Variants in POU2F3 observed in about 807,000 individuals in gnomAD.
POU2F3 encodes POU domain, class 2, transcription factor 3.
In POU2F3, 23 loss-of-function variants were observed where a neutral mutation model predicts 59.2. The observed-to-expected ratio is 0.39, with a 90% CI of 0.28 to 0.55. POU2F3 has a LOEUF of 0.55. Ranked by LOEUF, POU2F3 falls within the 20% of genes least tolerant of loss-of-function variation. The pLI is 0.66. For missense variants in POU2F3, 473 were observed against 544.5 expected (o/e 0.87, Z 1.31); for synonymous variants, 190 against 214.6 (o/e 0.89, Z 1.00).
chr11:120,288,811 G>A (rs1181487192), intron 3 of POU2F3, among the ~76,000 whole-genome samples: 18 of 149,592 alleles, frequency 1.2e-4, no homozygotes, highest in Admixed American at 1.1e-3. Flanking sequence ...TATTACATAC[G>A]CACATGTATG....
intron 3 of POU2F3, among the ~76,000 whole-genome samples, chr11:120,280,616 GAGAGAGAGAGAGAAAA>G (rs1440256224): frequency 6.9e-6 from 1 of 145,476 alleles, no homozygotes; most frequent in Non-Finnish European, 1.5e-5. Context: ...AGGACAGACA[GAGAGAGAGAGAGAAAA>G]AGAGAGAGAG....
At chr11:120,274,162 C>T (rs1483820233) in intron 3 of POU2F3, among the ~76,000 whole-genome samples, 2 of 114,618 alleles carry the variant, frequency 1.7e-5, no homozygotes, top group Non-Finnish European at 4.1e-5. Flanking sequence ...GAAGGAAATG[C>T]ACACAAACAT....
chr11:120,240,229 C>CGCG lies in POU2F3; in HGVS notation c.-103_-101dup, dbSNP rs533884871. 808 of 1,247,412 alleles carry CGCG rather than the reference C, an allele frequency of 6.5e-4. 3 individuals are homozygous for CGCG. The African/African-American group carries it at 0.011, about 17-fold the overall frequency. 77.3% of individuals were successfully genotyped at this position (1,247,412 alleles called of 1,614,324 possible). ...CGGCGACGGCTCCGGCAGCGGCTCC[C>CGCG]GCGGCGGCGGCGGCCGGGAACTGGA... On this transcript the variant is annotated 5_prime_UTR_variant, in exon 1 of 13. Transcript: ENST00000543440.
At position 120,312,170 on chromosome 11, in the gene POU2F3, C is replaced by A. The variant is rs1353093201; in HGVS notation, c.1068+2584C>A. Among the ~76,000 whole-genome samples the A allele has an allele frequency of 3.3e-5, 5 of 151,192 alleles. No individual in the cohort carries two copies. The South Asian group carries it at 1.0e-3, about 31-fold the overall frequency. On this transcript the variant is annotated intron_variant, in intron 10 of 12. Transcript: ENST00000543440. The stretch of plus-strand genomic sequence containing the variant: ...CAGAGTTTTGCTCTTTTTGCCCAGG[C>A]TGGAGTGCAATGGTGCGATCTAGGC...
intron 2 of POU2F3, 116 bp downstream of exon 2, chr11:120,246,633 T>G (rs1203119802): frequency 1.9e-6 from 2 of 1,053,262 alleles, no homozygotes; most frequent in Admixed American, 4.0e-5. Flanking sequence ...ACCCCAAAGC[T>G]AGGTCTTAGG....
intron 2 of POU2F3, among the ~76,000 whole-genome samples, chr11:120,267,133 C>CA (rs1555072328): frequency 1.4e-5 from 2 of 142,644 alleles, no homozygotes; most frequent in Non-Finnish European, 3.1e-5. Flanking sequence ...TAGCAGATCT[C>CA]TTTTTTTTTT....
At chr11:120,282,499 CAT>C (rs750277004) in intron 3 of POU2F3, among the ~76,000 whole-genome samples, 35 of 152,126 alleles carry the variant, frequency 2.3e-4, no homozygotes, top group Non-Finnish European at 4.3e-4. Flanking sequence ...CTACTAAAAA[CAT>C]AAAAACTAGC....
rs759796358 is a variant in POU2F3 at position 120,318,334 on chromosome 11, A to G, written c.1272-19A>G. 6.3e-7 allele frequency: 1 copy of G among 1,594,526 alleles called. No individual in the cohort carries two copies. The highest frequency in any genetic ancestry group is 1.1e-5 in the South Asian group (1 of 90,640). On this transcript the variant is annotated intron_variant, in intron 12 of 12. Transcript: ENST00000543440. The stretch of plus-strand genomic sequence containing the variant: ...CATCACATTATTAGCTTTAGGATTG[A>G]CTTCTTTCTTCCTTCCAGATCTTGG...
intron 3 of POU2F3, among the ~76,000 whole-genome samples, chr11:120,287,934 T>C (rs1486757318): frequency 6.6e-6 from 1 of 151,530 alleles, no homozygotes; most frequent in African/African-American, 2.4e-5. Context: ...TCTACTGAGC[T>C]TAATGATGTG....
In POU2F3 at chr11:120,318,614, T is replaced by G; in HGVS notation, c.*222T>G. ...TAATGCTCTTGAAATACACAGCCCCTCCTAGGAGCTTACCATTTTCACCTT... is the reference window on the plus strand; with the variant it reads ...TAATGCTCTTGAAATACACAGCCCCGCCTAGGAGCTTACCATTTTCACCTT... On this transcript the variant is annotated 3_prime_UTR_variant, in exon 13 of 13. Coordinates refer to ENST00000543440, the MANE Select transcript of POU2F3 (RefSeq NM_014352.4). The G allele has an allele frequency of 2.0e-6, 1 of 505,872 alleles. No homozygotes were observed. The highest frequency in any genetic ancestry group is 3.5e-6 in the Non-Finnish European group (1 of 288,762). The allele number at this position is 505,872 out of a possible 1,614,324, so 31.3% of individuals were successfully genotyped here.
intron 6 of POU2F3, 31 bp downstream of exon 6, chr11:120,302,399 A>G (rs1193762725): frequency 3.2e-6 from 5 of 1,550,242 alleles, no homozygotes; most frequent in African/African-American, 2.7e-5. Context: ...TGTTTCCTCT[A>G]GGAATGTCTC....
In POU2F3 at chr11:120,318,426, G is replaced by T; in HGVS notation, c.*34G>T. On this transcript the variant is annotated 3_prime_UTR_variant, in exon 13 of 13. Coordinates refer to ENST00000543440, the MANE Select transcript of POU2F3 (RefSeq NM_014352.4). ...AGTTTCTCCTACTCCAGCTGGCCCTGTATTCCCCCTGGAAGGAAGGGAATC... is the reference window on the plus strand; with the variant it reads ...AGTTTCTCCTACTCCAGCTGGCCCTTTATTCCCCCTGGAAGGAAGGGAATC... 6.5e-7 allele frequency: 1 copy of T among 1,547,354 alleles called. No individual in the cohort carries two copies. Among genetic ancestry groups the T allele is most frequent in the Non-Finnish European group, 8.9e-7 (1 of 1,119,452 alleles).
intron 3 of POU2F3, among the ~76,000 whole-genome samples, chr11:120,276,859 C>T (rs1940349655): frequency 1.3e-5 from 2 of 151,984 alleles, no homozygotes; most frequent in Non-Finnish European, 1.5e-5. Context: ...CCTGAAAGCA[C>T]CCTCCTGGCC....
chr11:120,302,551 A>T (rs1941378413), intron 6 of POU2F3, 183 bp downstream of exon 6: 2 of 575,230 alleles, frequency 3.5e-6, no homozygotes, highest in Middle Eastern at 3.8e-4. Context: ...CAATTTACCA[A>T]GTGTCACTGG....
At chr11:120,257,572 T>A (rs1358298468) in intron 2 of POU2F3, among the ~76,000 whole-genome samples, 2 of 152,066 alleles carry the variant, frequency 1.3e-5, no homozygotes, top group Non-Finnish European at 2.9e-5. Context: ...TGAGTGCACC[T>A]TTCCCCTGCA....
chr11:120,269,412 T>C (rs1939968851), intron 3 of POU2F3, among the ~76,000 whole-genome samples, 168 bp downstream of exon 3: 1 of 152,136 alleles, frequency 6.6e-6, no homozygotes, highest in Non-Finnish European at 1.5e-5. Flanking sequence ...CCCTAACCCA[T>C]GAGCCAATGT....
At chr11:120,297,929 C>A (rs550720782) in intron 3 of POU2F3, among the ~76,000 whole-genome samples, 126 of 150,638 alleles carry the variant, frequency 8.4e-4, no homozygotes, top group Non-Finnish European at 1.3e-3. Context: ...TAACACCATG[C>A]CTGGCTATTT....
intron 2 of POU2F3, chr11:120,256,925 A>C (rs1939366738): frequency 6.6e-6 from 1 of 152,208 alleles, no homozygotes; most frequent in Non-Finnish European, 1.5e-5. Flanking sequence ...TTCAGTCTCT[A>C]CTCAGTGATT....
chr11:120,236,836 GGCACCCCA>G (rs1417413658), upstream of POU2F3: 3 of 903,590 alleles, frequency 3.3e-6, no homozygotes, highest in Non-Finnish European at 5.1e-6. Context: ...GGACTTAGAG[GGCACCCCA>G]GCCTTCTAAG....
Sources: allele counts gnomAD v4.1 joint callset (sites outside exome capture counted in the v4.1 genomes callset), GRCh38; gene constraint gnomAD v4.1.1; transcripts MANE v1.5; gene names NCBI Gene and HGNC (gene_info 2026-07-23, HGNC 2026-07-21).